SYNPR: variants seen among roughly 807,000 people sequenced by gnomAD.
SYNPR encodes the protein synaptoporin.
Under a neutral mutation model 32.9 loss-of-function variants are expected in SYNPR, and 23 were observed. That is an observed-to-expected ratio of 0.70 (90% CI 0.50 to 0.99). The LOEUF is 0.99. Ranked by LOEUF, SYNPR falls within the 50% of genes least tolerant of loss-of-function variation. The probability of loss-of-function intolerance (pLI) is 0.00; values close to 1 mark genes in which losing one functional copy is unlikely to be tolerated. For missense variants in SYNPR, 318 were observed against 349.3 expected (o/e 0.91, Z 0.71); for synonymous variants, 146 against 135.9 (o/e 1.07, Z -0.52).
chr3:63,297,806 G>T (rs1169487278), intron 2 of SYNPR, among the ~76,000 whole-genome samples: 2 of 152,118 alleles, frequency 1.3e-5, no homozygotes, highest in Non-Finnish European at 2.9e-5. Context: ...CTCATGTGCT[G>T]AATCTGTGTC....
At chr3:63,571,812 C>G (rs956350286) in intron 4 of SYNPR, among the ~76,000 whole-genome samples, 1 of 152,068 alleles carries the variant, frequency 6.6e-6, no homozygotes, top group Non-Finnish European at 1.5e-5. Flanking sequence ...AAAAAATTGT[C>G]TGGCTGGACA....
At chr3:63,368,830 T>G (rs1418672478) in intron 2 of SYNPR, among the ~76,000 whole-genome samples, 1 of 152,222 alleles carries the variant, frequency 6.6e-6, no homozygotes, top group Non-Finnish European at 1.5e-5. Context: ...CAAGTCAGAT[T>G]GTGAAGATTT....
chr3:63,217,971 C>A, the SYNPR span, among the ~76,000 whole-genome samples: 1 of 152,108 alleles, frequency 6.6e-6, no homozygotes, highest in Non-Finnish European at 1.5e-5. Context: ...TCTTACAACA[C>A]TTATTGACTA....
chr3:63,287,809 G>A (rs763083213), intron 2 of SYNPR, among the ~76,000 whole-genome samples: 1 of 152,188 alleles, frequency 6.6e-6, no homozygotes, highest in Non-Finnish European at 1.5e-5. Context: ...ATGGAGGAGA[G>A]TAAGTCACAT....
chr3:63,413,838 TAGA>T (rs1480159471), intron 2 of SYNPR, among the ~76,000 whole-genome samples: 2 of 152,044 alleles, frequency 1.3e-5, no homozygotes, highest in African/African-American at 4.8e-5. Context: ...TCCACTGCCC[TAGA>T]AGGATAATGG....
chr3:63,426,253 C>T (rs575436557), intron 2 of SYNPR, among the ~76,000 whole-genome samples: 142 of 152,238 alleles, frequency 9.3e-4, no homozygotes, highest in Admixed American at 1.5e-3. Context: ...TCTTCTCAAA[C>T]GTTATTCTTT....
chr3:63,423,276 C>A (rs1273943827), intron 2 of SYNPR, among the ~76,000 whole-genome samples: 2 of 152,060 alleles, frequency 1.3e-5, no homozygotes, highest in Non-Finnish European at 2.9e-5. Flanking sequence ...AGTGTTTGTT[C>A]ATGCTGGTGG....
intron 2 of SYNPR, among the ~76,000 whole-genome samples, chr3:63,338,324 T>A (rs1447717292): frequency 6.6e-6 from 1 of 152,180 alleles, no homozygotes; most frequent in African/African-American, 2.4e-5. Context: ...AGAAGATGAA[T>A]TAAAAGTAGT....
At chr3:63,219,986 A>G in the SYNPR span, among the ~76,000 whole-genome samples, 5 of 152,140 alleles carry the variant, frequency 3.3e-5, no homozygotes, top group Admixed American at 1.3e-4. Flanking sequence ...TTAAAAAGCC[A>G]CCTTTCTGCT....
upstream of SYNPR, among the ~76,000 whole-genome samples, chr3:63,276,597 A>G (rs1459839066): frequency 6.6e-6 from 1 of 151,706 alleles, no homozygotes; most frequent in Admixed American, 6.6e-5. Context: ...TAGGGTACAC[A>G]CTAAGTAATT....
At chr3:63,349,159 G>A (rs1318446906) in intron 2 of SYNPR, among the ~76,000 whole-genome samples, 1 of 151,738 alleles carries the variant, frequency 6.6e-6, no homozygotes, top group African/African-American at 2.4e-5. Context: ...CTGGAGTGCA[G>A]TGGCAAGATC....
chr3:63,546,034 C>T (rs1440095115), intron 3 of SYNPR, among the ~76,000 whole-genome samples: 1 of 152,084 alleles, frequency 6.6e-6, no homozygotes, highest in African/African-American at 2.4e-5. Context: ...TTTTGTTTCA[C>T]AATTCACTTG....
the SYNPR span, chr3:63,203,487 C>G: frequency 6.6e-6 from 1 of 152,262 alleles, no homozygotes; most frequent in Non-Finnish European, 1.5e-5. Context: ...CTGCCAATGC[C>G]ACAGATTCCT....
intron 2 of SYNPR, among the ~76,000 whole-genome samples, chr3:63,400,724 G>A (rs542654775): frequency 2.6e-5 from 4 of 152,354 alleles, no homozygotes; most frequent in African/African-American, 9.6e-5. Context: ...AAAGACAGGA[G>A]TGTCAAAGAA....
chr3:63,563,448 T>A (rs927496756), intron 4 of SYNPR, among the ~76,000 whole-genome samples: 1 of 152,210 alleles, frequency 6.6e-6, no homozygotes, highest in Non-Finnish European at 1.5e-5. Flanking sequence ...TGTTTGAGTA[T>A]AATTAGATAC....
intron 1 of SYNPR, among the ~76,000 whole-genome samples, chr3:63,252,028 T>C (rs900989908): frequency 3.9e-5 from 6 of 151,906 alleles, no homozygotes; most frequent in African/African-American, 1.2e-4. Context: ...TACTCCATGG[T>C]ATGGGGGTAC....
intron 3 of SYNPR, among the ~76,000 whole-genome samples, chr3:63,497,040 C>T (rs191492099): frequency 9.0e-4 from 137 of 152,216 alleles, no homozygotes; most frequent in African/African-American, 3.0e-3. Flanking sequence ...ACTGCAAGTC[C>T]TCGGTTGTAC....
chr3:63,443,904 A>T (rs1344267547), intron 2 of SYNPR, among the ~76,000 whole-genome samples: 1 of 152,226 alleles, frequency 6.6e-6, no homozygotes, highest in South Asian at 2.1e-4. Flanking sequence ...ATATACAGCT[A>T]CCAAATATTA....
intron 2 of SYNPR, among the ~76,000 whole-genome samples, chr3:63,345,271 T>C (rs1005124106): frequency 1.3e-5 from 2 of 152,240 alleles, no homozygotes; most frequent in Non-Finnish European, 2.9e-5. Flanking sequence ...TCATCCTTGC[T>C]TTGAGATTAA....
Sources: gnomAD v4.1 joint callset for allele counts (sites outside exome capture counted in the v4.1 genomes callset) on GRCh38, gnomAD v4.1.1 for gene constraint, MANE v1.5 for transcripts, NCBI Gene and HGNC (gene_info 2026-07-23, HGNC 2026-07-21) for gene names.